The following SRPK1 variants were observed in gnomAD, a reference collection of about 807,000 sequenced individuals.
SRPK1 encodes the protein SRSF protein kinase 1.
SRPK1 carries 52 observed loss-of-function variants against 89.5 expected under a neutral mutation model. That is an observed-to-expected ratio of 0.58 (90% CI 0.46 to 0.73). The LOEUF (loss-of-function observed/expected upper bound fraction) is 0.73. SRPK1 is among the 30% of genes least tolerant of loss of function. The pLI, the probability that SRPK1 is intolerant of heterozygous loss-of-function variation, is 0.00. For synonymous variants in SRPK1, 255 were observed against 270.2 expected, an observed-to-expected ratio of 0.94 and a Z score of 0.55; for missense variants, 603 against 780.6, an observed-to-expected ratio of 0.77 and a Z score of 2.71.
At chr6:35,874,972 T>G (rs1159454230) in intron 6 of SRPK1, among the ~76,000 whole-genome samples, 1 of 152,228 alleles carries the variant, frequency 6.6e-6, no homozygotes, top group African/African-American at 2.4e-5. Flanking sequence ...TCTAAAATTG[T>G]GCAGGGCACT....
intron 7 of SRPK1, among the ~76,000 whole-genome samples, chr6:35,873,355 G>A (rs1340609210): frequency 6.6e-6 from 1 of 152,186 alleles, no homozygotes; most frequent in South Asian, 2.1e-4. Flanking sequence ...ATGTTCCCAA[G>A]TCAGGAACCT....
chr6:35,890,967 G>T lies in SRPK1; in HGVS notation c.121C>A (p.Leu41Ile). The change falls in exon 3 of 16, where the codon CTA becomes ATA. Residue 41 changes from leucine to isoleucine, a missense_variant. Physicochemically the swap from Leu to Ile is conservative, Grantham distance 5 (BLOSUM62 2). Coordinates refer to ENST00000373825, the MANE Select transcript of SRPK1 (RefSeq NM_003137.5). ...AGAATCTCCTCTTCCTGCTCTGGTA[G>T]ATCACTCTCAGAGTGGGGAGCAGAG... ...RGSAPHSESD[L>I]PEQEEEILGS... 1 of 1,553,828 alleles carries T rather than the reference G, an allele frequency of 6.4e-7. No homozygotes were observed. The highest frequency in any genetic ancestry group is 8.7e-7 in the Non-Finnish European group (1 of 1,147,686).
chr6:35,868,509 G>A (rs1453249451), intron 12 of SRPK1, among the ~76,000 whole-genome samples: 1 of 152,108 alleles, frequency 6.6e-6, no homozygotes, highest in Non-Finnish European at 1.5e-5. Context: ...ATCACAAAGA[G>A]CTGTCAAAAA....
chr6:35,835,648 T>C (rs1769163294), intron 15 of SRPK1, among the ~76,000 whole-genome samples, 160 bp from the exon 16 acceptor site: 1 of 152,192 alleles, frequency 6.6e-6, no homozygotes. Context: ...TTCTGACATA[T>C]GCCTCAGAAA....
At chr6:35,909,654 CAT>C (rs1251614738) in intron 2 of SRPK1, among the ~76,000 whole-genome samples, 6 of 152,354 alleles carry the variant, frequency 3.9e-5, no homozygotes, top group Admixed American at 1.3e-4. Context: ...GTAATACCCA[CAT>C]GTCATGGGAG....
chr6:35,911,581 T>A (rs988223163), intron 2 of SRPK1, among the ~76,000 whole-genome samples: 2 of 151,870 alleles, frequency 1.3e-5, no homozygotes, highest in African/African-American at 4.8e-5. Flanking sequence ...ATTAATTTTT[T>A]TAAAAAATAA....
At chr6:35,882,118 C>CTAGTAGTAGTAGTAGTAG (rs59881690) in intron 6 of SRPK1, among the ~76,000 whole-genome samples, 5 of 140,168 alleles carry the variant, frequency 3.6e-5, no homozygotes, top group Admixed American at 7.3e-5. Context: ...AGTAGTAGTA[C>CTAGTAGTAGTAGTAGTAG]TAGTAGTAGT....
intron 2 of SRPK1, among the ~76,000 whole-genome samples, chr6:35,916,634 T>C (rs1355001045): frequency 6.6e-6 from 1 of 152,182 alleles, no homozygotes; most frequent in Non-Finnish European, 1.5e-5. Context: ...ACCAAATGTA[T>C]ACTAAATCCA....
At chr6:35,898,107 G>A (rs1770660568) in intron 2 of SRPK1, among the ~76,000 whole-genome samples, 1 of 151,952 alleles carries the variant, frequency 6.6e-6, no homozygotes, top group African/African-American at 2.4e-5. Context: ...CAATTCCAAA[G>A]ATATGGAACC....
At chr6:35,843,329 A>T (rs1769356821) in intron 13 of SRPK1, among the ~76,000 whole-genome samples, 1 of 117,046 alleles carries the variant, frequency 8.5e-6, no homozygotes, top group Non-Finnish European at 1.7e-5. Flanking sequence ...CCAAACAAAA[A>T]AAATCAAAAA....
intron 2 of SRPK1, among the ~76,000 whole-genome samples, chr6:35,905,514 G>A (rs1001927605): frequency 1.3e-5 from 2 of 152,194 alleles, no homozygotes; most frequent in African/African-American, 2.4e-5. Context: ...CAAAGATGAT[G>A]TAAAATGAAA....
In SRPK1 at chr6:35,833,443, A is replaced by G. The variant is rs920597556; in HGVS notation, c.*1861T>C. 5 of 152,566 alleles carry G rather than the reference A, an allele frequency of 3.3e-5. No homozygotes were observed. Among genetic ancestry groups the G allele is most frequent in the Admixed American group, 6.5e-5 (1 of 15,272 alleles). 9.5% of individuals were successfully genotyped at this position (152,566 alleles called of 1,614,324 possible). A position where few individuals can be genotyped will look rare whatever the true frequency, so the allele number is the denominator to read the frequency against. On this transcript the variant is annotated 3_prime_UTR_variant, in exon 16 of 16. Transcript: ENST00000373825. ...GTAATTCCACAATTGTGATTTTACT[A>G]TGTAGAAGATAATTCAGTTCTAGTC... is the stretch of plus-strand genomic sequence containing the variant.
chr6:35,895,866 A>C (rs1770617319), intron 2 of SRPK1: 1 of 152,254 alleles, frequency 6.6e-6, no homozygotes, highest in South Asian at 2.1e-4. Flanking sequence ...TCTTCATGAA[A>C]GGCCCAAGAG....
chr6:35,844,254 C>T (rs762764949), intron 13 of SRPK1, among the ~76,000 whole-genome samples: 2 of 152,052 alleles, frequency 1.3e-5, no homozygotes, highest in South Asian at 2.1e-4. Context: ...CCGCCTGCCT[C>T]GGCCTCCCAA....
At chr6:35,907,908 G>T (rs1770885049) in intron 2 of SRPK1, among the ~76,000 whole-genome samples, 1 of 152,136 alleles carries the variant, frequency 6.6e-6, no homozygotes, top group Admixed American at 6.5e-5. Context: ...CTGATAGTTT[G>T]TGAGTTCTCA....
Position 35,886,825 on chromosome 6 carries a change from G to A in SRPK1, c.391-14C>T. The A allele has an allele frequency of 1.3e-6, 2 of 1,518,848 alleles. No individual in the cohort carries two copies. The highest frequency in any genetic ancestry group is 1.8e-6 in the Non-Finnish European group (2 of 1,094,210). The allele number at this position is 1,518,848 out of a possible 1,614,324, so 94.1% of individuals were successfully genotyped here. ...TGAATTGCGAACCTGTAGTGGGGAA[G>A]AGACAGTGTTTAGCACAAGGTAAAG... On this transcript the variant is annotated splice_polypyrimidine_tract_variant and intron_variant, in intron 5 of 15. Transcript: ENST00000373825.
chr6:35,888,229 C>A, intron 4 of SRPK1, 118 bp from the exon 5 acceptor site: 1 of 545,458 alleles, frequency 1.8e-6, no homozygotes, highest in Non-Finnish European at 3.1e-6. Context: ...CCCTGTAGCC[C>A]AAACAAGCTA....
chr6:35,851,898 C>T (rs533349973), intron 13 of SRPK1, among the ~76,000 whole-genome samples: 25 of 152,234 alleles, frequency 1.6e-4, no homozygotes, highest in African/African-American at 6.0e-4. Flanking sequence ...ACAATAAGGG[C>T]AAGGCACTGC....
At chr6:35,849,081 C>T (rs1476987972) in intron 13 of SRPK1, among the ~76,000 whole-genome samples, 1 of 151,954 alleles carries the variant, frequency 6.6e-6, no homozygotes, top group African/African-American at 2.4e-5. Flanking sequence ...TATTTGCATG[C>T]TATACATTTG....
Sources: allele counts gnomAD v4.1 joint callset (sites outside exome capture counted in the v4.1 genomes callset), GRCh38; gene constraint gnomAD v4.1.1; transcripts MANE v1.5; gene names NCBI Gene and HGNC (gene_info 2026-07-23, HGNC 2026-07-21).